Variants in LRRC7 observed in about 807,000 individuals in gnomAD.
The protein encoded by LRRC7 is leucine rich repeat containing 7.
In LRRC7, 23 loss-of-function variants were observed where a neutral mutation model predicts 175.7. The observed-to-expected ratio is 0.13, with a 90% CI of 0.09 to 0.19. The LOEUF (loss-of-function observed/expected upper bound fraction) is 0.19, where lower values mean the gene tolerates loss of function less well. Among genes scored for constraint, LRRC7 ranks in the 10% least tolerant of loss-of-function variants. The probability of loss-of-function intolerance (pLI) is 1.00; values close to 1 mark genes in which losing one functional copy is unlikely to be tolerated. For synonymous variants in LRRC7, 685 were observed against 680.9 expected (o/e 1.01, Z -0.09); for missense variants, 1,354 against 1,904.7 (o/e 0.71, Z 5.38).
intron 26 of LRRC7, among the ~76,000 whole-genome samples, chr1:70,118,797 G>A (rs1299199893): frequency 1.3e-5 from 2 of 152,056 alleles, no homozygotes; most frequent in Non-Finnish European, 2.9e-5. Context: ...ACAATGGGGG[G>A]TGGGAAGGTA....
intron 7 of LRRC7, among the ~76,000 whole-genome samples, chr1:69,885,981 A>T (rs1486607776): frequency 7.3e-6 from 1 of 137,326 alleles, no homozygotes; most frequent in Non-Finnish European, 1.6e-5. Flanking sequence ...GGTCTGAGAG[A>T]CAGTTTGTTA....
intron 1 of LRRC7, among the ~76,000 whole-genome samples, chr1:69,612,240 CTT>C (rs1648885065): frequency 6.6e-6 from 1 of 151,920 alleles, no homozygotes; most frequent in Non-Finnish European, 1.5e-5. Context: ...ATTTTTCAGA[CTT>C]AAGAATTAAT....
At chr1:70,118,350 A>G (rs1248256437) in intron 26 of LRRC7, among the ~76,000 whole-genome samples, 1 of 152,138 alleles carries the variant, frequency 6.6e-6, no homozygotes, top group African/African-American at 2.4e-5. Flanking sequence ...CTCAAAAAAA[A>G]AAAATGGAGA....
chr1:69,695,595 G>A (rs1473663304), intron 2 of LRRC7, among the ~76,000 whole-genome samples: 1 of 152,176 alleles, frequency 6.6e-6, no homozygotes, highest in African/African-American at 2.4e-5. Flanking sequence ...GGCCTGAAAG[G>A]CCATCAGAAA....
rs973641712 is a variant in LRRC7, at chr1:70,123,523, C to G, written c.*1636C>G. The G allele has an allele frequency of 1.3e-5, 2 of 152,098 alleles. No homozygotes were observed. Among genetic ancestry groups the G allele is most frequent in the African/African-American group, 4.8e-5 (2 of 41,414 alleles). 9.4% of individuals were successfully genotyped at this position (152,098 alleles called of 1,614,324 possible). A position where few individuals can be genotyped will look rare whatever the true frequency, so the allele number is the denominator to read the frequency against. ...TATTTTTTGGCAATAGAATTTGTCA[C>G]TTGGGAGAAAATAATACTTCACTTT... On this transcript the variant is annotated 3_prime_UTR_variant, in exon 27 of 27. Coordinates refer to ENST00000651989, the MANE Select transcript of LRRC7 (RefSeq NM_001370785.2).
intron 1 of LRRC7, among the ~76,000 whole-genome samples, chr1:69,618,303 A>T (rs1650010245): frequency 6.6e-6 from 1 of 152,118 alleles, no homozygotes; most frequent in African/African-American, 2.4e-5. Context: ...GAGTTATATA[A>T]ATACCAAAGT....
chr1:69,797,061 C>A (rs1675875006), intron 4 of LRRC7, among the ~76,000 whole-genome samples: 1 of 152,116 alleles, frequency 6.6e-6, no homozygotes, highest in South Asian at 2.1e-4. Flanking sequence ...ACCCAGTATA[C>A]ATGGTAGGCA....
chr1:70,006,275 T>C (rs1655984081), intron 11 of LRRC7, among the ~76,000 whole-genome samples: 1 of 152,120 alleles, frequency 6.6e-6, no homozygotes, highest in Admixed American at 6.6e-5. Context: ...AAAATGTTTT[T>C]TTAATACAGG....
intron 1 of LRRC7, among the ~76,000 whole-genome samples, chr1:69,627,698 A>G (rs1651824794): frequency 6.6e-6 from 1 of 151,994 alleles, no homozygotes; most frequent in Admixed American, 6.5e-5. Context: ...TAGGGTTTTT[A>G]TGGTTTTAGA....
rs889571803 is a variant in LRRC7 at position 70,106,176 on chromosome 1, T to A, written c.4546-1576T>A. ...CAGTTATATTGAAATATAGTTGATA[T>A]TCTACAATTTAAAGTGTACAATTAA... On this transcript the variant is annotated intron_variant, in intron 25 of 26. Coordinates refer to ENST00000651989, the MANE Select transcript of LRRC7 (RefSeq NM_001370785.2). 3.3e-5 allele frequency among the ~76,000 whole-genome samples: 5 copies of A among 152,212 alleles called. No individual in the cohort carries two copies. In the East Asian group the frequency reaches 9.6e-4, roughly 29 times the overall value.
intron 8 of LRRC7, among the ~76,000 whole-genome samples, chr1:69,965,791 C>T (rs2101855064): frequency 6.6e-6 from 1 of 152,142 alleles, no homozygotes; most frequent in East Asian, 1.9e-4. Flanking sequence ...TAATACATTA[C>T]TATTGGGAGA....
chr1:69,940,480 C>A (rs1159246027), intron 8 of LRRC7, among the ~76,000 whole-genome samples: 1 of 152,028 alleles, frequency 6.6e-6, no homozygotes, highest in East Asian at 1.9e-4. Flanking sequence ...GTCAAATACC[C>A]TGGTGATTCT....
chr1:70,106,217 T>A (rs1007047068), intron 25 of LRRC7, among the ~76,000 whole-genome samples: 1 of 152,200 alleles, frequency 6.6e-6, no homozygotes, highest in Non-Finnish European at 1.5e-5. Context: ...TTTTATGTGT[T>A]CAGAGTTGTG....
intron 1 of LRRC7, among the ~76,000 whole-genome samples, chr1:69,615,817 T>C (rs574101690): frequency 1.3e-3 from 202 of 152,110 alleles, no homozygotes; most frequent in South Asian, 2.9e-3. Flanking sequence ...AAAAAATGTA[T>C]ACAGTTCATG....
chr1:69,965,027 G>T (rs566517418), intron 8 of LRRC7, among the ~76,000 whole-genome samples: 1 of 152,332 alleles, frequency 6.6e-6, no homozygotes, highest in South Asian at 2.1e-4. Flanking sequence ...GGATAGTCCT[G>T]TCAGTCTGAA....
intron 22 of LRRC7, among the ~76,000 whole-genome samples, chr1:70,049,165 A>T (rs1270058795): frequency 6.6e-6 from 1 of 152,140 alleles, no homozygotes; most frequent in Non-Finnish European, 1.5e-5. Context: ...TTATCTTATC[A>T]TAGAATTTTG....
intron 3 of LRRC7, among the ~76,000 whole-genome samples, chr1:69,786,289 A>G (rs985813343): frequency 6.6e-6 from 1 of 152,046 alleles, no homozygotes; most frequent in Non-Finnish European, 1.5e-5. Context: ...AAGAGAGCTC[A>G]GTCTTGTGGT....
At chr1:69,731,624 T>C (rs1667592861) in intron 2 of LRRC7, among the ~76,000 whole-genome samples, 1 of 152,234 alleles carries the variant, frequency 6.6e-6, no homozygotes, top group Non-Finnish European at 1.5e-5. Flanking sequence ...CAAAGGTAAC[T>C]TTTTGTTTGC....
intron 1 of LRRC7, among the ~76,000 whole-genome samples, chr1:69,621,302 T>G (rs955250014): frequency 4.6e-5 from 7 of 152,160 alleles, no homozygotes; most frequent in African/African-American, 1.7e-4. Context: ...CGCCTTGACC[T>G]CTCAAAGTGC....
Sources: allele counts gnomAD v4.1 joint callset (sites outside exome capture counted in the v4.1 genomes callset), GRCh38; gene constraint gnomAD v4.1.1; transcripts MANE v1.5; gene names NCBI Gene and HGNC (gene_info 2026-07-23, HGNC 2026-07-21).